RNF130: variants seen among roughly 807,000 people sequenced by gnomAD.
The protein encoded by RNF130 is ring finger protein 130.
RNF130 carries 21 observed loss-of-function variants against 44.6 expected under a neutral mutation model. That is an observed-to-expected ratio of 0.47 (90% CI 0.33 to 0.68). The LOEUF (loss-of-function observed/expected upper bound fraction) is 0.68. Ranked by LOEUF, RNF130 falls within the 30% of genes least tolerant of loss-of-function variation. The pLI, the probability that RNF130 is intolerant of heterozygous loss-of-function variation, is 0.02. For synonymous variants in RNF130, 214 were observed against 210.4 expected (o/e 1.02, Z -0.15); for missense variants, 479 against 560.6 (o/e 0.85, Z 1.47).
intron 8 of RNF130, among the ~76,000 whole-genome samples, chr5:179,958,229 T>C (rs768644432): frequency 6.6e-6 from 1 of 152,206 alleles, no homozygotes; most frequent in Non-Finnish European, 1.5e-5. Context: ...ATACAACCTA[T>C]TAATGGTTAT....
chr5:180,019,001 A>G (rs1390266381), intron 2 of RNF130, among the ~76,000 whole-genome samples: 1 of 152,214 alleles, frequency 6.6e-6, no homozygotes, highest in Non-Finnish European at 1.5e-5. Context: ...AAGCATTTTT[A>G]CTATTGGTTA....
rs185266586 is a variant in RNF130 at position 179,916,190 on chromosome 5, T to C, written c.*4127A>G. Reference sequence around the variant, plus strand: ...TCCTATAGCAGAGCCAATGCCTCAATAATAAAGGTTAACGGCGAGAGAACA... The same window carrying C: ...TCCTATAGCAGAGCCAATGCCTCAACAATAAAGGTTAACGGCGAGAGAACA... On this transcript the variant is annotated 3_prime_UTR_variant, in exon 8 of 8. Transcript: ENST00000522208. The C allele has an allele frequency of 3.3e-5, 5 of 152,234 alleles. No individual in the cohort carries two copies. In the East Asian group the frequency reaches 9.7e-4, roughly 29 times the overall value. 9.4% of individuals were successfully genotyped at this position (152,234 alleles called of 1,614,324 possible).
intron 1 of RNF130, among the ~76,000 whole-genome samples, chr5:180,058,510 G>A (rs1764890587): frequency 6.6e-6 from 1 of 152,176 alleles, no homozygotes; most frequent in Non-Finnish European, 1.5e-5. Context: ...TGTTCGCAGG[G>A]GCTGCGGCAG....
chr5:179,920,289 A>AC (rs1258570895), exon 8 of RNF130: 1 of 683,652 alleles, frequency 1.5e-6, no homozygotes, highest in Non-Finnish European at 2.7e-6. Flanking sequence ...AAAAGCAGTG[A>AC]CCCCAACAGC....
rs547088351 is a variant in RNF130 at position 179,994,045 on chromosome 5, G to A, written c.694-13845C>T. 2.0e-4 allele frequency among the ~76,000 whole-genome samples: 31 copies of A among 152,186 alleles called. No individual in the cohort carries two copies. The East Asian group carries it at 2.5e-3, about 12-fold the overall frequency. ...AAGATCCGATAGTTGTAGATGTGTG[G>A]TATTATTTCTGAGGGCTCTGTTCTG... On this transcript the variant is annotated intron_variant, in intron 3 of 8. Coordinates refer to ENST00000521389, the MANE Select transcript of RNF130 (RefSeq NM_018434.6).
chr5:180,044,063 C>A (rs776995151), intron 1 of RNF130, among the ~76,000 whole-genome samples: 22 of 152,182 alleles, frequency 1.4e-4, no homozygotes, highest in Non-Finnish European at 2.8e-4. Flanking sequence ...TAGTATTACT[C>A]CAAAATTTAA....
chr5:179,964,550 T>C (rs529472027), intron 7 of RNF130: 1 of 152,368 alleles, frequency 6.6e-6, no homozygotes, highest in East Asian at 1.9e-4. Context: ...TCTTTACACG[T>C]GGACTGCCAA....
chr5:179,990,288 G>T (rs1763051272), intron 3 of RNF130, among the ~76,000 whole-genome samples: 1 of 152,192 alleles, frequency 6.6e-6, no homozygotes, highest in African/African-American at 2.4e-5. Context: ...TGGACAGGGG[G>T]CCCTTCCCTG....
chr5:179,956,920 C>T (rs942418488), intron 8 of RNF130, among the ~76,000 whole-genome samples: 3 of 152,276 alleles, frequency 2.0e-5, no homozygotes, highest in African/African-American at 4.8e-5. Context: ...AATGAGGGGG[C>T]GTTGTCAACT....
At chr5:179,993,455 T>C (rs1763135668) in intron 3 of RNF130, among the ~76,000 whole-genome samples, 1 of 152,264 alleles carries the variant, frequency 6.6e-6, no homozygotes, top group Admixed American at 6.5e-5. Context: ...GGTTTTGATT[T>C]GCATTTCTCT....
In RNF130 at chr5:179,983,833, C is replaced by G. The variant is rs116435346; in HGVS notation, c.694-3633G>C. Among the ~76,000 whole-genome samples the G allele has an allele frequency of 6.4e-3, 977 of 152,302 alleles. 13 individuals carry two copies. Among genetic ancestry groups the G allele is most frequent in the African/African-American group, 0.022 (924 of 41,552 alleles). On this transcript the variant is annotated intron_variant, in intron 3 of 8. Transcript: ENST00000521389. The stretch of plus-strand genomic sequence containing the variant: ...TTTCCTCAGCAATAGTTAGTTTTCA[C>G]TACATAGGGCATATTGCATATTTTG...
At chr5:180,018,514 T>G (rs1763794433) in intron 2 of RNF130, among the ~76,000 whole-genome samples, 1 of 152,056 alleles carries the variant, frequency 6.6e-6, no homozygotes, top group Non-Finnish European at 1.5e-5. Context: ...TTCAATGACC[T>G]CCGCCTGGTC....
intron 1 of RNF130, among the ~76,000 whole-genome samples, chr5:180,044,415 CTCT>C (rs1764506805): frequency 1.3e-5 from 2 of 151,986 alleles, no homozygotes; most frequent in South Asian, 4.2e-4. Flanking sequence ...ACTTATTTAC[CTCT>C]TGACAGGCAC....
At chr5:179,976,441 G>A (rs115464340) in intron 5 of RNF130, among the ~76,000 whole-genome samples, 1 of 152,342 alleles carries the variant, frequency 6.6e-6, no homozygotes, top group African/African-American at 2.4e-5. Context: ...AAGCAGGCAA[G>A]TGTGGATGAC....
chr5:179,975,677 A>T (rs2113713417), intron 5 of RNF130, among the ~76,000 whole-genome samples: 1 of 151,754 alleles, frequency 6.6e-6, no homozygotes, highest in Middle Eastern at 3.4e-3. Flanking sequence ...AACAGGGAAA[A>T]CTCTACACTC....
chr5:179,923,814 A>G (rs562114395), intron 7 of RNF130, among the ~76,000 whole-genome samples: 63 of 152,308 alleles, frequency 4.1e-4, no homozygotes, highest in African/African-American at 1.5e-3. Flanking sequence ...TAGTTTCCCT[A>G]AAGTTTTTCT....
chr5:180,015,300 G>T (rs754745283), intron 2 of RNF130: 1 of 529,180 alleles, frequency 1.9e-6, no homozygotes, highest in Non-Finnish European at 3.9e-6. Context: ...ATGATCTGTG[G>T]TATAAGATAC....
At chr5:179,959,065 T>G (rs1327158814) in intron 8 of RNF130, among the ~76,000 whole-genome samples, 1 of 152,204 alleles carries the variant, frequency 6.6e-6, no homozygotes, top group Non-Finnish European at 1.5e-5. Context: ...AGCATCACTC[T>G]GTATGCACTG....
rs1346003970 is a variant in RNF130 at position 179,920,565 on chromosome 5, G to C, written c.1151-139C>G. 7 of 577,376 alleles carry C rather than the reference G, an allele frequency of 1.2e-5. No homozygotes were observed. In the African/African-American group the frequency reaches 1.3e-4, roughly 11 times the overall value. The allele number at this position is 577,376 out of a possible 1,614,324, so 35.8% of individuals were successfully genotyped here. On this transcript the variant is annotated intron_variant, in intron 7 of 7. Coordinates refer to the RNF130 transcript ENST00000522208. ...CTTCATAAGGGGCTCTTATTAGAGAGATACAAAAAGTGCGGGCATCCTTCA... is the reference window on the plus strand; with the variant it reads ...CTTCATAAGGGGCTCTTATTAGAGACATACAAAAAGTGCGGGCATCCTTCA...
Sources: gnomAD v4.1 joint callset for allele counts (sites outside exome capture counted in the v4.1 genomes callset) on GRCh38, gnomAD v4.1.1 for gene constraint, MANE v1.5 for transcripts, NCBI Gene and HGNC (gene_info 2026-07-23, HGNC 2026-07-21) for gene names.